The following CAPN15 variants were observed in gnomAD, a reference collection of about 807,000 sequenced individuals.
CAPN15 encodes calpain-15.
Under a neutral mutation model 97.9 loss-of-function variants are expected in CAPN15, and 53 were observed. The ratio of observed to expected loss-of-function variants is 0.54; its 90% confidence interval spans 0.43 to 0.68. CAPN15 has a LOEUF of 0.68. CAPN15 is among the 30% of genes least tolerant of loss of function. The pLI is 0.00. For synonymous variants in CAPN15, 922 were observed against 722.5 expected (o/e 1.28, Z -4.43); for missense variants, 1,592 against 1,589.8 (o/e 1.00, Z -0.02).
At chr16:532,165 G>A (rs1281205730) in intron 1 of CAPN15, among the ~76,000 whole-genome samples, 1 of 150,988 alleles carries the variant, frequency 6.6e-6, no homozygotes, top group Non-Finnish European at 1.5e-5. Context: ...GCTTGAACCT[G>A]GGAGGCGGAG....
At chr16:533,042 G>T (rs1037712267) in intron 1 of CAPN15, among the ~76,000 whole-genome samples, 2 of 151,740 alleles carry the variant, frequency 1.3e-5, no homozygotes, top group African/African-American at 4.8e-5. Flanking sequence ...CCAACATGGT[G>T]AAACCTCGTC....
Position 552,010 on chromosome 16 carries a change from G to A in CAPN15, c.2346-41G>A. On this transcript the variant is annotated intron_variant, in intron 9 of 13. Transcript: ENST00000219611. This position sits in a 1 kb window ranked among gnomAD's most constrained non-coding sequence, Gnocchi z 6.4. ...TAGGCGCTGAGCCACGGAGGTGTGG[G>A]CCGTGGTAGGCTCAGGGCCCCGTCC... 1 of 1,534,754 alleles carries A rather than the reference G, an allele frequency of 6.5e-7. No homozygotes were observed. The highest frequency in any genetic ancestry group is 8.8e-7 in the Non-Finnish European group (1 of 1,136,334).
In CAPN15 at chr16:553,686, C is replaced by T. The variant is rs1035407350; in HGVS notation, c.*170C>T. 33 of 528,636 alleles carry T rather than the reference C, an allele frequency of 6.2e-5. No homozygotes were observed. The Admixed American group carries it at 1.1e-3, about 18-fold the overall frequency. 32.7% of individuals were successfully genotyped at this position (528,636 alleles called of 1,614,324 possible). ...TGGGCCCCCCGCCCCCCTCCTTCCC[C>T]TCCCTGAACCCCACAGTCCGCCTGG... is the stretch of plus-strand genomic sequence containing the variant. On this transcript the variant is annotated 3_prime_UTR_variant, in exon 14 of 14. Transcript: ENST00000219611.
Position 547,185 on chromosome 16 carries a change from CGGAGCCCGCCAG to C in CAPN15, c.350_361del (p.Glu117_Arg120del). 6.5e-7 allele frequency: 1 copy of C among 1,533,310 alleles called. No homozygotes were observed. The highest frequency in any genetic ancestry group is 2.3e-5 in the East Asian group (1 of 42,684). 95.0% of individuals were successfully genotyped at this position (1,533,310 alleles called of 1,614,324 possible). On this transcript the variant is annotated inframe_deletion, in exon 4 of 14. Transcript: ENST00000219611. The stretch of plus-strand genomic sequence containing the variant: ...GTGAGGACTGCGGGGCTGGTGGCCA[CGGAGCCCGCCAG>C]GGGGCAGTGCGAGGACAAGGACGAG...
chr16:550,333 CCA>C (rs1363620190), intron 7 of CAPN15, among the ~76,000 whole-genome samples: 1 of 152,216 alleles, frequency 6.6e-6, no homozygotes, highest in African/African-American at 2.4e-5. Context: ...CGCCCGGGAG[CCA>C]CAGAGCCCAG....
Position 547,136 on chromosome 16 carries a change from AG to A in CAPN15, c.299del (p.Ser100ThrfsTer9). 1 of 1,557,154 alleles carries A rather than the reference AG, an allele frequency of 6.4e-7. No individual in the cohort carries two copies. Among genetic ancestry groups the A allele is most frequent in the South Asian group, 1.2e-5 (1 of 83,348 alleles). ...CGCCATCCTGGGGGAGCCCAAGGGC[AG>A]CTGCCAGGAGGAAGCAGGTCCAGTG... ...PPAILGEPKGSCQEEAGPVRT... is the reference protein window; with the variant it reads ...PPAILGEPKGXCQEEAGPVRT... On this transcript the variant is annotated frameshift_variant, in exon 4 of 14. Coordinates refer to ENST00000219611, the MANE Select transcript of CAPN15 (RefSeq NM_005632.3). LOFTEE classifies it high-confidence loss of function.
rs2033640640 is a variant in CAPN15, at chr16:535,518, C to T, written c.-136-511C>T. Reference sequence around the variant, plus strand: ...CAGTGGCGGCCTCACCTCTGCAATTCTCTGAGGCTGGATCTAGGCCACCGC... The same window carrying T: ...CAGTGGCGGCCTCACCTCTGCAATTTTCTGAGGCTGGATCTAGGCCACCGC... On this transcript the variant is annotated intron_variant, in intron 2 of 13. Coordinates refer to ENST00000219611, the MANE Select transcript of CAPN15 (RefSeq NM_005632.3). The surrounding 1 kb of genome is among the most constrained non-coding windows in gnomAD (Gnocchi z 6.2). 1 of 154,240 alleles carries T rather than the reference C, an allele frequency of 6.5e-6. No individual in the cohort carries two copies. The highest frequency in any genetic ancestry group is 2.4e-5 in the African/African-American group (1 of 41,512). The allele number at this position is 154,240 out of a possible 1,614,324, so 9.6% of individuals were successfully genotyped here.
Position 535,508 on chromosome 16 carries a change from C to G in CAPN15, c.-136-521C>G, listed in dbSNP as rs2141968996. The G allele has an allele frequency of 6.5e-6, 1 of 154,354 alleles. No homozygotes were observed. Among genetic ancestry groups the G allele is most frequent in the Non-Finnish European group, 1.5e-5 (1 of 68,070 alleles). 9.6% of individuals were successfully genotyped at this position (154,354 alleles called of 1,614,324 possible). On this transcript the variant is annotated intron_variant, in intron 2 of 13. Coordinates refer to ENST00000219611, the MANE Select transcript of CAPN15 (RefSeq NM_005632.3). The surrounding 1 kb of genome is among the most constrained non-coding windows in gnomAD (Gnocchi z 6.2). The stretch of plus-strand genomic sequence containing the variant: ...CCCCACAGGGCAGTGGCGGCCTCAC[C>G]TCTGCAATTCTCTGAGGCTGGATCT...
intron 3 of CAPN15, chr16:539,949 C>A: frequency 3.0e-5 from 13 of 433,918 alleles, no homozygotes; most frequent in Non-Finnish European, 3.7e-5. Context: ...GGGCCGCAGG[C>A]CCTGCACTGA....
chr16:530,418 C>T (rs552331196), intron 1 of CAPN15, among the ~76,000 whole-genome samples: 1 of 152,356 alleles, frequency 6.6e-6, no homozygotes, highest in East Asian at 1.9e-4. Context: ...GGGACTCCTG[C>T]GTGCTCCAGG....
intron 1 of CAPN15, among the ~76,000 whole-genome samples, chr16:530,111 G>T (rs1287402326): frequency 2.6e-5 from 4 of 152,216 alleles, no homozygotes; most frequent in African/African-American, 9.6e-5. Flanking sequence ...CCTCAGCTGT[G>T]TGGAGCCACT....
Position 528,014 on chromosome 16 carries a change from C to G in CAPN15, c.-205C>G, listed in dbSNP as rs2032970455. On this transcript the variant is annotated 5_prime_UTR_variant, in exon 1 of 14. Coordinates refer to ENST00000219611, the MANE Select transcript of CAPN15 (RefSeq NM_005632.3). Reference sequence around the variant, plus strand: ...CCCGGGCCGCGAGGACGAGGCGGCGCCGCCGGGCTGTGGAGGTGAGTCCCG... The same window carrying G: ...CCCGGGCCGCGAGGACGAGGCGGCGGCGCCGGGCTGTGGAGGTGAGTCCCG... 7.0e-6 allele frequency: 1 copy of G among 143,804 alleles called. No individual in the cohort carries two copies. Among genetic ancestry groups the G allele is most frequent in the South Asian group, 2.1e-4 (1 of 4,736 alleles). 8.9% of individuals were successfully genotyped at this position (143,804 alleles called of 1,614,324 possible).
chr16:529,975 G>A (rs1464810104), intron 1 of CAPN15, among the ~76,000 whole-genome samples: 1 of 152,202 alleles, frequency 6.6e-6, no homozygotes, highest in Non-Finnish European at 1.5e-5. Context: ...CTCTGGTCCT[G>A]CCCTCTGACC....
intron 3 of CAPN15, chr16:539,322 C>T (rs1339781710): frequency 6.6e-6 from 1 of 152,308 alleles, no homozygotes; most frequent in East Asian, 1.9e-4. Context: ...TGGCCCCAAT[C>T]TTGGCAGGGA....
chr16:549,789 G>A lies in CAPN15; in HGVS notation c.2017G>A (p.Val673Ile), dbSNP rs772024178. Residue 673 changes from valine to isoleucine, a missense_variant, in exon 7 of 14, where the codon GTT becomes ATT. Val to Ile is a conservative substitution (Grantham distance 29). Transcript: ENST00000219611. ...LSSTNPREEP[V>I]DTDLIWAKML... ...CTCCACTAACCCCCGCGAGGAGCCC[G>A]TTGACACTGACCTCATCTGGGCCAA... The A allele has an allele frequency of 3.1e-6, 5 of 1,592,132 alleles. No individual in the cohort carries two copies. The highest frequency in any genetic ancestry group is 2.3e-5 in the East Asian group (1 of 43,546).
chr16:550,062 C>T (rs971392665), intron 7 of CAPN15, among the ~76,000 whole-genome samples: 4 of 151,902 alleles, frequency 2.6e-5, no homozygotes, highest in South Asian at 2.1e-4. Context: ...CTGGCCAGGC[C>T]GTGGGGCGAG....
rs1474718907 is a variant in CAPN15, at chr16:547,178, G to A, written c.340G>A (p.Val114Met). Residue 114 changes from valine (V) to methionine (M), a missense_variant, in exon 4 of 14, where the codon GTG becomes ATG. Val to Met is a conservative substitution (Grantham distance 21, BLOSUM62 1). This residue lies in a region of CAPN15 where 883 missense variants were observed against 776.6 expected (regional missense o/e 1.14). Coordinates refer to ENST00000219611, the MANE Select transcript of CAPN15 (RefSeq NM_005632.3). ...EAGPVRTAGL[V>M]ATEPARGQCE... Reference sequence around the variant, plus strand: ...AGGTCCAGTGAGGACTGCGGGGCTGGTGGCCACGGAGCCCGCCAGGGGGCA... The same window carrying A: ...AGGTCCAGTGAGGACTGCGGGGCTGATGGCCACGGAGCCCGCCAGGGGGCA... 3 of 1,537,550 alleles carry A rather than the reference G, an allele frequency of 2.0e-6. No individual in the cohort carries two copies. Among genetic ancestry groups the A allele is most frequent in the South Asian group, 1.2e-5 (1 of 81,224 alleles).
intron 1 of CAPN15, among the ~76,000 whole-genome samples, chr16:533,730 C>A (rs1484844144): frequency 6.6e-6 from 1 of 152,170 alleles, no homozygotes; most frequent in Non-Finnish European, 1.5e-5. Context: ...TAGTGAGGAG[C>A]CTGCTGAGCC....
Position 531,686 on chromosome 16 carries a change from GCC to G in CAPN15, c.-189-2256_-189-2255del, listed in dbSNP as rs1416384915. Among the ~76,000 whole-genome samples the G allele has an allele frequency of 1.5e-3, 190 of 130,122 alleles. 2 individuals are homozygous for G. The highest frequency in any genetic ancestry group is 4.8e-3 in the African/African-American group (157 of 32,862). 85.4% of individuals were successfully genotyped at this position (130,122 alleles called of 152,430 possible). On this transcript the variant is annotated intron_variant, in intron 1 of 13. Coordinates refer to ENST00000219611, the MANE Select transcript of CAPN15 (RefSeq NM_005632.3). ...CGTCTCCCTCTCTGGGGTGACAGGT[GCC>G]CCCAGGGCCACACGGCTCCCAAGGC...
Sources: gnomAD v4.1 joint callset for allele counts (sites outside exome capture counted in the v4.1 genomes callset) on GRCh38, gnomAD v4.1.1 for gene constraint, gnomAD v4.1.1 regional missense constraint, Gnocchi (gnomAD v3.1) non-coding constraint, MANE v1.5 for transcripts, NCBI Gene and HGNC (gene_info 2026-07-23, HGNC 2026-07-21) for gene names.